Variants in ARAP3 observed in about 807,000 individuals in gnomAD.
ARAP3 encodes arf-GAP with Rho-GAP domain, ANK repeat and PH domain-containing protein 3.
A neutral mutation model predicts 169.2 loss-of-function variants in ARAP3; 82 were observed. That is an observed-to-expected ratio of 0.48 (90% CI 0.41 to 0.58). ARAP3 has a LOEUF of 0.58. ARAP3 is among the 20% of genes least tolerant of loss of function. The pLI, the probability that ARAP3 is intolerant of heterozygous loss-of-function variation, is 0.00. For synonymous variants in ARAP3, 791 were observed against 800.3 expected, an observed-to-expected ratio of 0.99 and a Z score of 0.20; for missense variants, 1,764 against 2,018.0, an observed-to-expected ratio of 0.87 and a Z score of 2.41.
In ARAP3 at chr5:141,653,792, G is replaced by T; in HGVS notation, c.*158C>A. The stretch of plus-strand genomic sequence containing the variant: ...AGAGAGGGGCCATGACCTGTCCTGG[G>T]ACACGCAGCCACTGAAGCCTTTAGT... On this transcript the variant is annotated 3_prime_UTR_variant, in exon 33 of 33. Coordinates refer to ENST00000239440, the MANE Select transcript of ARAP3 (RefSeq NM_022481.6). The T allele has an allele frequency of 9.6e-7, 1 of 1,043,436 alleles. No homozygotes were observed. Among genetic ancestry groups the T allele is most frequent in the Non-Finnish European group, 1.3e-6 (1 of 749,148 alleles). 64.6% of individuals were successfully genotyped at this position (1,043,436 alleles called of 1,614,324 possible).
chr5:141,664,872 A>ACCCC (rs2154598893), intron 19 of ARAP3, 50 bp downstream of exon 19: 1 of 202,008 alleles, frequency 5.0e-6, no homozygotes, highest in South Asian at 2.9e-5. Flanking sequence ...CCCCCTCATC[A>ACCCC]CCCCCACCCC....
Position 141,661,685 on chromosome 5 carries a change from G to C in ARAP3, c.3118C>G (p.Arg1040Gly). The C allele has an allele frequency of 6.2e-7, 1 of 1,614,106 alleles. No individual in the cohort carries two copies. The highest frequency in any genetic ancestry group is 1.1e-5 in the South Asian group (1 of 91,068). The change falls in exon 21 of 33, where the codon CGG becomes GGG. Residue 1040 changes from arginine (R) to glycine (G), a missense_variant and splice_region_variant. By Grantham distance (125) the Arg-to-Gly change is moderately radical. Coordinates refer to ENST00000239440, the MANE Select transcript of ARAP3 (RefSeq NM_022481.6). ...TGCAGAGGGTCTAGCCATACTGACC[G>C]ATAGAGATGCCCAATGAGGGTGGCC... is the stretch of plus-strand genomic sequence containing the variant. ...TLATLIGHLY[R>G]VQKCAALNQM... is the part of the protein sequence containing the mutation.
intron 31 of ARAP3, 104 bp downstream of exon 31, chr5:141,655,517 G>T: frequency 2.5e-6 from 4 of 1,592,236 alleles, no homozygotes; most frequent in Non-Finnish European, 3.4e-6. Context: ...GAGGGGGACA[G>T]TGAGCATAGG....
chr5:141,672,681 A>T lies in ARAP3; in HGVS notation c.1279-23T>A. On this transcript the variant is annotated intron_variant, in intron 8 of 32. Transcript: ENST00000239440. The surrounding 1 kb of genome is among the most constrained non-coding windows in gnomAD (Gnocchi z 4.9). ...GGCCTGGTGGGGTCAGGGGGTGGGC[A>T]TCATGAGGTGCCAGAAGGGACTAGT... 6.2e-7 allele frequency: 1 copy of T among 1,613,870 alleles called. No homozygotes were observed. Among genetic ancestry groups the T allele is most frequent in the Non-Finnish European group, 8.5e-7 (1 of 1,179,866 alleles).
At position 141,679,638 on chromosome 5, in the gene ARAP3, C is replaced by G. The variant is rs775161995; in HGVS notation, c.605G>C (p.Gly202Ala). Reference protein sequence around the residue: ...TTGTVHIMDPGCLYYGVQPVG... With the variant: ...TTGTVHIMDPACLYYGVQPVG... ...AGGTTGGACACCATAGTACAGGCAA[C>G]CAGGATCCATGATGTGCACTGGCAG... The change falls in exon 4 of 33, where the codon GGT (glycine) becomes GCT (alanine). Residue 202 changes from glycine to alanine, a missense_variant. Gly to Ala is a moderately conservative substitution (Grantham distance 60). Coordinates refer to ENST00000239440, the MANE Select transcript of ARAP3 (RefSeq NM_022481.6). 20 of 1,614,084 alleles carry G rather than the reference C, an allele frequency of 1.2e-5. No individual in the cohort carries two copies. The highest frequency in any genetic ancestry group is 1.5e-5 in the Non-Finnish European group (18 of 1,180,024).
In ARAP3 at chr5:141,671,465, A is replaced by T; in HGVS notation, c.1855-65T>A. ...AACTGAGAGCACTGGGGACAGTCGT[A>T]TCATCACTAAAAACAGTCCCCACCA... is the stretch of plus-strand genomic sequence containing the variant. On this transcript the variant is annotated intron_variant, in intron 12 of 32. Coordinates refer to ENST00000239440, the MANE Select transcript of ARAP3 (RefSeq NM_022481.6). The surrounding 1 kb of genome is among the most constrained non-coding windows in gnomAD (Gnocchi z 4.9). 6.3e-7 allele frequency: 1 copy of T among 1,598,898 alleles called. No individual in the cohort carries two copies. The highest frequency in any genetic ancestry group is 1.1e-5 in the South Asian group (1 of 88,722).
intron 16 of ARAP3, 122 bp downstream of exon 16, chr5:141,669,587 T>C: frequency 1.1e-6 from 1 of 901,866 alleles, no homozygotes; most frequent in Admixed American, 2.1e-5. Flanking sequence ...GCACAGAATA[T>C]GTGCTCAGTC....
intron 16 of ARAP3, among the ~76,000 whole-genome samples, chr5:141,666,994 G>A (rs568254916): frequency 4.6e-5 from 7 of 151,920 alleles, no homozygotes; most frequent in South Asian, 4.2e-4. Flanking sequence ...CTGCAGCCTC[G>A]ACCTCCCCCA....
chr5:141,673,375 T>A, intron 6 of ARAP3, 26 bp downstream of exon 6: 1 of 1,613,388 alleles, frequency 6.2e-7, no homozygotes, highest in Non-Finnish European at 8.5e-7. Flanking sequence ...CTCATCTCCA[T>A]ATCGTCACAT....
chr5:141,668,517 A>G (rs533225895), intron 16 of ARAP3, among the ~76,000 whole-genome samples: 1 of 152,368 alleles, frequency 6.6e-6, no homozygotes, highest in Admixed American at 6.5e-5. Context: ...CACATAGTCC[A>G]GGGGCTAGTA....
Position 141,672,214 on chromosome 5 carries a change from C to G in ARAP3, c.1473G>C (p.Val491=), listed in dbSNP as rs765402040. ...CCCGATTAGACCAGATCTTCTCAGCCACCTCGTAGTCAGACAGGGTCTCGG... is the reference window on the plus strand; with the variant it reads ...CCCGATTAGACCAGATCTTCTCAGCGACCTCGTAGTCAGACAGGGTCTCGG... ...AVTETLSDYE[V]AEKIWSNRAN... The change falls in exon 10 of 33, where the codon GTG becomes GTC. Residue 491 remains valine (V), a synonymous_variant. Transcript: ENST00000239440. This position sits in a 1 kb window ranked among gnomAD's most constrained non-coding sequence, Gnocchi z 4.9. 65 of 1,614,232 alleles carry G rather than the reference C, an allele frequency of 4.0e-5. No homozygotes were observed. Among genetic ancestry groups the G allele is most frequent in the East Asian group, 1.8e-4 (8 of 44,884 alleles).
rs1462819140 is a variant in ARAP3, at chr5:141,670,507, C to T, written c.2107+5G>A. 6.2e-7 allele frequency: 1 copy of T among 1,613,244 alleles called. No individual in the cohort carries two copies. The highest frequency in any genetic ancestry group is 1.7e-5 in the Admixed American group (1 of 60,008). ...GTATCCTCCCATCCCTTGGCTCCCC[C>T]TCACCATCCCGGCCCCTGCGAGGGG... is the stretch of plus-strand genomic sequence containing the variant. On this transcript the variant is annotated splice_donor_5th_base_variant and intron_variant, in intron 14 of 32. Coordinates refer to ENST00000239440, the MANE Select transcript of ARAP3 (RefSeq NM_022481.6).
chr5:141,673,100 C>T lies in ARAP3; in HGVS notation c.1006G>A (p.Ala336Thr), dbSNP rs1382324741. Residue 336 changes from alanine (A) to threonine (T), a missense_variant, in exon 7 of 33, where the codon GCC becomes ACC. Coordinates refer to ENST00000239440, the MANE Select transcript of ARAP3 (RefSeq NM_022481.6). ...TTGCTGCTGCGGGTCATCTCAATGG[C>T]AGTCAAAGGTATCACACCCTTAGGG... ...PFPKGVIPLT[A>T]IEMTRSSKDN... The T allele has an allele frequency of 6.2e-7, 1 of 1,614,186 alleles. No homozygotes were observed. Among genetic ancestry groups the T allele is most frequent in the Non-Finnish European group, 8.5e-7 (1 of 1,180,032 alleles).
rs779869242 is a variant in ARAP3 at position 141,655,730 on chromosome 5, C to T, written c.4001G>A (p.Arg1334Gln). ...QHDDQQPVVL[R>Q]RHSSSDLARQ... ...GGCAAGGTCAGAGGAGGAATGGCGT[C>T]GTAAGACCACTGGCTGCTGGTCATC... Residue 1334 changes from arginine (R) to glutamine (Q), a missense_variant, in exon 31 of 33, where the codon CGA (arginine) becomes CAA (glutamine). Physicochemically the swap from Arg to Gln is conservative, Grantham distance 43 (BLOSUM62 1). Around this residue, in one of 3 missense-constraint regions of ARAP3, gnomAD observed 1,112 missense variants for 1,285.7 expected, o/e 0.86. Coordinates refer to ENST00000239440, the MANE Select transcript of ARAP3 (RefSeq NM_022481.6). 45 of 1,614,128 alleles carry T rather than the reference C, an allele frequency of 2.8e-5. No individual in the cohort carries two copies. Among genetic ancestry groups the T allele is most frequent in the Non-Finnish European group, 3.0e-5 (35 of 1,180,024 alleles).
chr5:141,669,561 C>T (rs1332241951), intron 16 of ARAP3, 148 bp downstream of exon 16: 1 of 726,284 alleles, frequency 1.4e-6, no homozygotes, highest in Non-Finnish European at 2.3e-6. Context: ...GTGGGCAGTG[C>T]TTAACACAGG....
At chr5:141,668,095 A>G (rs2099910914) in intron 16 of ARAP3, among the ~76,000 whole-genome samples, 1 of 152,052 alleles carries the variant, frequency 6.6e-6, no homozygotes, top group Admixed American at 6.6e-5. Context: ...ATCTGGATGA[A>G]AAAATGAAGA....
In ARAP3 at chr5:141,656,242, C is replaced by T. The variant is rs376948840; in HGVS notation, c.3824G>A (p.Gly1275Asp). 2.8e-5 allele frequency: 46 copies of T among 1,614,116 alleles called. No homozygotes were observed. In the African/African-American group the frequency reaches 5.5e-4, roughly 19 times the overall value. ...GCGGATTCCCAGGTAGACCTTGGCA[C>T]CTTCCAAAGGCCACTCCCGTTCTGG... is the stretch of plus-strand genomic sequence containing the variant. ...SKPEREWPLE[G>D]AKVYLGIRKK... Residue 1275 changes from glycine to aspartate, a missense_variant, in exon 28 of 33, where the codon GGT (glycine) becomes GAT (aspartate). By Grantham distance (94) the Gly-to-Asp change is moderately conservative. Around this residue, in one of 3 missense-constraint regions of ARAP3, gnomAD observed 1,112 missense variants for 1,285.7 expected, o/e 0.86. Coordinates refer to ENST00000239440, the MANE Select transcript of ARAP3 (RefSeq NM_022481.6).
At chr5:141,677,971 G>A (rs1363623696) in intron 4 of ARAP3, among the ~76,000 whole-genome samples, 3 of 143,598 alleles carry the variant, frequency 2.1e-5, no homozygotes, top group Non-Finnish European at 3.0e-5. Flanking sequence ...TTTTTGAGAC[G>A]GAGTCCTGCT....
Position 141,673,712 on chromosome 5 carries a change from T to G in ARAP3, c.795A>C (p.Thr265=). Residue 265 remains threonine, a synonymous_variant, in exon 5 of 33, where the codon ACA becomes ACC. Transcript: ENST00000239440. The stretch of plus-strand genomic sequence containing the variant: ...AAATGAGGTCATCACTGGTCTCCTC[T>G]GTTTCCAGGGTGGGCGATAAGAGGG... The part of the protein sequence containing the change: ...DSTLLSPTLE[T]EETSDDLISP... The G allele has an allele frequency of 6.2e-7, 1 of 1,614,178 alleles. No homozygotes were observed.
Sources: gnomAD v4.1 joint callset for allele counts (sites outside exome capture counted in the v4.1 genomes callset) on GRCh38, gnomAD v4.1.1 for gene constraint, gnomAD v4.1.1 regional missense constraint, Gnocchi (gnomAD v3.1) non-coding constraint, MANE v1.5 for transcripts, NCBI Gene and HGNC (gene_info 2026-07-23, HGNC 2026-07-21) for gene names.